TLK1: variants seen among roughly 807,000 people sequenced by gnomAD.
TLK1 encodes tousled like kinase 1.
TLK1 carries 24 observed loss-of-function variants against 105.3 expected under a neutral mutation model. The observed-to-expected ratio is 0.23, with a 90% CI of 0.17 to 0.32. TLK1 has a LOEUF of 0.32. Ranked by LOEUF, TLK1 falls within the 10% of genes least tolerant of loss-of-function variation. The pLI is 1.00. For synonymous variants in TLK1, 321 were observed against 310.4 expected (o/e 1.03, Z -0.36); for missense variants, 558 against 910.5 (o/e 0.61, Z 4.98).
intron 18 of TLK1, among the ~76,000 whole-genome samples, chr2:171,004,062 CCCCTG>C (rs1331402108): frequency 9.2e-5 from 14 of 152,022 alleles, no homozygotes; most frequent in Non-Finnish European, 1.9e-4. Flanking sequence ...TCAAACAATT[CCCCTG>C]CCTCAGCCTC....
Position 171,049,068 on chromosome 2 carries a change from G to A in TLK1, c.980+746C>T, listed in dbSNP as rs143255911. On this transcript the variant is annotated intron_variant, in intron 10 of 20. Coordinates refer to ENST00000431350, the MANE Select transcript of TLK1 (RefSeq NM_012290.5). ...CGCATGTTCTCATGTATAAGTGGGA[G>A]CTAAACATTGGAGACACATGGACAT... Among the ~76,000 whole-genome samples the A allele has an allele frequency of 2.0e-5, 3 of 152,272 alleles. No individual in the cohort carries two copies. In the East Asian group the frequency reaches 5.8e-4, roughly 29 times the overall value.
intron 1 of TLK1, among the ~76,000 whole-genome samples, chr2:171,210,127 A>G (rs1175351123): frequency 6.6e-6 from 1 of 152,174 alleles, no homozygotes; most frequent in African/African-American, 2.4e-5. Context: ...TTTGAATGTC[A>G]TTATAGTACC....
intron 11 of TLK1, among the ~76,000 whole-genome samples, chr2:171,036,456 A>C (rs1278434148): frequency 1.3e-5 from 2 of 152,210 alleles, no homozygotes; most frequent in African/African-American, 4.8e-5. Context: ...CTTCATCAAA[A>C]AGAAAGGATA....
intron 1 of TLK1, among the ~76,000 whole-genome samples, chr2:171,222,561 G>A (rs1364338081): frequency 6.6e-6 from 1 of 151,836 alleles, no homozygotes; most frequent in Non-Finnish European, 1.5e-5. Flanking sequence ...TGAATGCCTG[G>A]GCTCAAGTGA....
At position 171,053,803 on chromosome 2, in the gene TLK1, C is replaced by T. The variant is rs11553951; in HGVS notation, c.690G>A (p.Gln230=). The T allele has an allele frequency of 0.25, 398,611 of 1,605,502 alleles. 54,157 individuals are homozygous for T. The highest frequency in any genetic ancestry group is 0.28 in the Non-Finnish European group (330,765 of 1,174,860). Residue 230 remains glutamine (Q), a synonymous_variant, in exon 8 of 21, where the codon CAG becomes CAA. Transcript: ENST00000431350. ...KLAALESNKI[Q]DLEKKEGRID... is the part of the protein sequence containing the mutation. ...TACGTCCCTCCTTCTTTTCCAGGTC[C>T]TGGATTTTATTACTTTCTAATGCTG...
chr2:171,183,839 T>C (rs1182655690), intron 1 of TLK1, among the ~76,000 whole-genome samples: 2 of 152,240 alleles, frequency 1.3e-5, no homozygotes, highest in South Asian at 4.1e-4. Flanking sequence ...ATTTATGTCA[T>C]GAAGTAGGAC....
intron 1 of TLK1, among the ~76,000 whole-genome samples, chr2:171,165,948 A>T (rs1692601932): frequency 6.6e-6 from 1 of 152,128 alleles, no homozygotes; most frequent in South Asian, 2.1e-4. Context: ...GATGAGGTAT[A>T]CTTTCTGAGT....
At position 171,160,217 on chromosome 2, in the gene TLK1, C is replaced by CA. The variant is rs1558975062; in HGVS notation, c.139+72_139+73insT. On this transcript the variant is annotated intron_variant, in intron 1 of 20. Coordinates refer to ENST00000431350, the MANE Select transcript of TLK1 (RefSeq NM_012290.5). The surrounding 1 kb of genome is among the most constrained non-coding windows in gnomAD (Gnocchi z 4.4). ...CGGAGAAGCCCCGGGGCGGGGGGGG[C>CA]GGGGGGGGGGCGCGGGGGTCCGCGG... 8.4e-5 allele frequency: 81 copies of CA among 958,874 alleles called. No homozygotes were observed. The East Asian group carries it at 2.8e-3, about 33-fold the overall frequency. The allele number at this position is 958,874 out of a possible 1,614,324, so 59.4% of individuals were successfully genotyped here.
At chr2:171,215,474 C>G (rs1050882706) in intron 1 of TLK1, among the ~76,000 whole-genome samples, 4 of 152,178 alleles carry the variant, frequency 2.6e-5, no homozygotes, top group Non-Finnish European at 5.9e-5. Flanking sequence ...TTAGGTCACA[C>G]TAGGCAGAGC....
At chr2:171,100,854 C>CA (rs150945078) in intron 2 of TLK1, among the ~76,000 whole-genome samples, 6 of 152,068 alleles carry the variant, frequency 3.9e-5, no homozygotes, top group African/African-American at 1.4e-4. Context: ...CATATGTCTA[C>CA]AAAAAATTTC....
At chr2:171,050,663 C>G (rs1687195843) in intron 8 of TLK1, among the ~76,000 whole-genome samples, 1 of 152,216 alleles carries the variant, frequency 6.6e-6, no homozygotes, top group Admixed American at 6.5e-5. Context: ...ATGACATACA[C>G]AAGTTGCCTA....
At chr2:171,208,115 CTTTTTTCTTT>C (rs1285162995) in intron 1 of TLK1, among the ~76,000 whole-genome samples, 1 of 152,088 alleles carries the variant, frequency 6.6e-6, no homozygotes, top group Non-Finnish European at 1.5e-5. Flanking sequence ...ATTTAGTCTT[CTTTTTTCTTT>C]TTCTTTTTTT....
Position 171,037,309 on chromosome 2 carries a change from C to T in TLK1, c.1169+8865G>A, listed in dbSNP as rs563348239. Among the ~76,000 whole-genome samples, 7 of 151,918 alleles carry T rather than the reference C, an allele frequency of 4.6e-5. No individual in the cohort carries two copies. The East Asian group carries it at 1.2e-3, about 25-fold the overall frequency. On this transcript the variant is annotated intron_variant, in intron 11 of 20. Coordinates refer to ENST00000431350, the MANE Select transcript of TLK1 (RefSeq NM_012290.5). ...ATACAAAATTAGCCAGGCATAGTGG[C>T]GCATGGCTGTAGTCCCAGCTACTCG...
At chr2:171,056,934 T>C (rs1178339648) in intron 5 of TLK1, among the ~76,000 whole-genome samples, 1 of 151,976 alleles carries the variant, frequency 6.6e-6, no homozygotes, top group East Asian at 1.9e-4. Context: ...TAGTCCCTAA[T>C]CCCAAGAAAT....
At chr2:171,044,728 GA>G (rs1161308907) in intron 11 of TLK1, among the ~76,000 whole-genome samples, 1 of 152,176 alleles carries the variant, frequency 6.6e-6, no homozygotes, top group African/African-American at 2.4e-5. Flanking sequence ...GTAAGTAAAT[GA>G]TGCCCATAGA....
At chr2:170,999,843 C>T (rs1215916943) in intron 18 of TLK1, among the ~76,000 whole-genome samples, 4 of 152,112 alleles carry the variant, frequency 2.6e-5, no homozygotes, top group Admixed American at 1.3e-4. Flanking sequence ...ACTGCAGCCT[C>T]GATCTCCAAG....
chr2:171,169,200 C>A lies in TLK1; in HGVS notation c.-5-51343G>T, dbSNP rs1166152905. Among the ~76,000 whole-genome samples, 3 of 152,130 alleles carry A rather than the reference C, an allele frequency of 2.0e-5. No homozygotes were observed. In the East Asian group the frequency reaches 5.8e-4, roughly 29 times the overall value. On this transcript the variant is annotated intron_variant, in intron 1 of 20. Transcript: ENST00000521943. Reference sequence around the variant, plus strand: ...TTTCTCTTTGTACACAAAGATAATTCTATTCAACATTATTTATAGTAACAA... The same window carrying A: ...TTTCTCTTTGTACACAAAGATAATTATATTCAACATTATTTATAGTAACAA...
At chr2:171,074,848 G>T (rs1009425955) in intron 3 of TLK1, among the ~76,000 whole-genome samples, 5 of 151,570 alleles carry the variant, frequency 3.3e-5, no homozygotes, top group East Asian at 3.9e-4. Flanking sequence ...ATTGATGATA[G>T]GTGTCTAACA....
At chr2:171,028,268 G>A (rs1270334892) in intron 12 of TLK1, 71 bp downstream of exon 12, 3 of 1,129,140 alleles carry the variant, frequency 2.7e-6, no homozygotes, top group African/African-American at 1.5e-5. Context: ...TAAAATAAGT[G>A]ACTTATAACA....
Sources: gnomAD v4.1 joint callset for allele counts (sites outside exome capture counted in the v4.1 genomes callset) on GRCh38, gnomAD v4.1.1 for gene constraint, Gnocchi (gnomAD v3.1) non-coding constraint, MANE v1.5 for transcripts, NCBI Gene and HGNC (gene_info 2026-07-23, HGNC 2026-07-21) for gene names.